RALYL: variants seen among roughly 807,000 people sequenced by gnomAD.
RALYL encodes the protein RNA-binding Raly-like protein.
In RALYL, 29 loss-of-function variants were observed where a neutral mutation model predicts 35.1. The ratio of observed to expected loss-of-function variants is 0.83; its 90% CI spans 0.61 to 1.13. The LOEUF is 1.13. RALYL is among the 50% of genes most tolerant of loss of function. RALYL has a pLI of 0.00. For synonymous variants in RALYL, 120 were observed against 127.6 expected (o/e 0.94, Z 0.40); for missense variants, 359 against 360.4 (o/e 1.00, Z 0.03).
chr8:84,762,113 A>C (rs183870606), intron 2 of RALYL, among the ~76,000 whole-genome samples: 1 of 152,142 alleles, frequency 6.6e-6, no homozygotes, highest in Admixed American at 6.5e-5. Flanking sequence ...AGAGGAATAA[A>C]GGGGCAGTAG....
intron 2 of RALYL, among the ~76,000 whole-genome samples, chr8:84,752,848 G>A (rs1810405434): frequency 1.3e-5 from 2 of 152,346 alleles, no homozygotes; most frequent in South Asian, 4.1e-4. Flanking sequence ...AAGCCTGGAT[G>A]TCCAGGCAGA....
At chr8:84,328,149 T>C (rs1339274935) in intron 1 of RALYL, among the ~76,000 whole-genome samples, 1 of 152,174 alleles carries the variant, frequency 6.6e-6, no homozygotes, top group Non-Finnish European at 1.5e-5. Context: ...CATTGTCATG[T>C]CAACACAATA....
chr8:84,810,449 G>A (rs992222124), intron 4 of RALYL, among the ~76,000 whole-genome samples: 1 of 152,096 alleles, frequency 6.6e-6, no homozygotes, highest in African/African-American at 2.4e-5. Context: ...TGAATAGAAT[G>A]TGTGTATTCT....
chr8:84,488,432 T>A (rs1428583012), intron 1 of RALYL, among the ~76,000 whole-genome samples: 2 of 152,064 alleles, frequency 1.3e-5, no homozygotes, highest in Non-Finnish European at 2.9e-5. Flanking sequence ...GTTCCCATTT[T>A]CAAAATGTCT....
chr8:84,245,730 T>C (rs1313147897), intron 1 of RALYL, among the ~76,000 whole-genome samples: 1 of 152,106 alleles, frequency 6.6e-6, no homozygotes, highest in Non-Finnish European at 1.5e-5. Flanking sequence ...CTCAGGGGTA[T>C]GCATGATAGC....
intron 2 of RALYL, among the ~76,000 whole-genome samples, chr8:84,691,455 A>G (rs1838033405): frequency 6.6e-6 from 1 of 152,110 alleles, no homozygotes; most frequent in Non-Finnish European, 1.5e-5. Context: ...GTTTATTTTC[A>G]TCATTAAGTA....
intron 4 of RALYL, among the ~76,000 whole-genome samples, chr8:84,822,106 C>T (rs1158935504): frequency 6.6e-6 from 1 of 152,174 alleles, no homozygotes; most frequent in African/African-American, 2.4e-5. Flanking sequence ...TGAGACATTT[C>T]TTCCAGATAC....
At position 84,448,451 on chromosome 8, in the gene RALYL, T is replaced by C. The variant is rs544934230; in HGVS notation, c.-23-80848T>C. On this transcript the variant is annotated intron_variant, in intron 1 of 8. Coordinates refer to ENST00000521268, the MANE Select transcript of RALYL (RefSeq NM_173848.7). ...TTAGTTTTTAAAAAGATACCTATTC[T>C]CTTGCCTCAATTGCATTTCTGCCCC... Among the ~76,000 whole-genome samples the C allele has an allele frequency of 9.9e-5, 15 of 152,174 alleles. No homozygotes were observed. The South Asian group carries it at 3.1e-3, about 31-fold the overall frequency.
At chr8:84,220,577 A>G (rs1407193378) in intron 1 of RALYL, among the ~76,000 whole-genome samples, 1 of 152,140 alleles carries the variant, frequency 6.6e-6, no homozygotes, top group African/African-American at 2.4e-5. Flanking sequence ...CAATTTCCAA[A>G]TGTCTTCCTG....
chr8:84,608,446 G>A (rs1443136943), intron 2 of RALYL, among the ~76,000 whole-genome samples: 3 of 152,080 alleles, frequency 2.0e-5, no homozygotes, highest in Non-Finnish European at 2.9e-5. Flanking sequence ...TGCGATTGCT[G>A]TTTTGTCAGC....
At chr8:84,387,765 T>C (rs1396690968) in intron 1 of RALYL, among the ~76,000 whole-genome samples, 1 of 151,584 alleles carries the variant, frequency 6.6e-6, no homozygotes, top group African/African-American at 2.4e-5. Context: ...GCAGTTCCCT[T>C]ACTTATTTGG....
At chr8:84,208,437 T>C (rs1046968611) in intron 1 of RALYL, among the ~76,000 whole-genome samples, 5 of 152,018 alleles carry the variant, frequency 3.3e-5, no homozygotes, top group African/African-American at 9.7e-5. Flanking sequence ...CTTCACTGTG[T>C]CTGGTAATTT....
chr8:84,533,140 A>G (rs1293982716), intron 2 of RALYL, among the ~76,000 whole-genome samples: 2 of 152,096 alleles, frequency 1.3e-5, no homozygotes, highest in East Asian at 1.9e-4. Flanking sequence ...ATATTTGGTT[A>G]TTTAATTGAT....
intron 4 of RALYL, among the ~76,000 whole-genome samples, chr8:84,821,856 C>G (rs116773799): frequency 0.017 from 2,588 of 152,174 alleles, 70 homozygotes; most frequent in African/African-American, 0.058. Context: ...TTTTGGCATG[C>G]TAACTAAGGT....
intron 1 of RALYL, among the ~76,000 whole-genome samples, chr8:84,330,084 A>T (rs1480408952): frequency 6.6e-6 from 1 of 152,102 alleles, no homozygotes; most frequent in African/African-American, 2.4e-5. Flanking sequence ...AAACGTGGAC[A>T]TTCAATCCAC....
At chr8:84,718,765 A>G (rs1029370375) in intron 2 of RALYL, among the ~76,000 whole-genome samples, 1 of 150,966 alleles carries the variant, frequency 6.6e-6, no homozygotes, top group Non-Finnish European at 1.5e-5. Context: ...ACTCTGTTTA[A>G]AAAAAAAAGA....
intron 2 of RALYL, among the ~76,000 whole-genome samples, chr8:84,550,011 G>C (rs1274115575): frequency 2.0e-5 from 3 of 152,088 alleles, no homozygotes; most frequent in African/African-American, 7.2e-5. Flanking sequence ...ATACACTTTA[G>C]CAACAGGAGA....
intron 1 of RALYL, among the ~76,000 whole-genome samples, chr8:84,408,182 A>G (rs2043745244): frequency 1.3e-5 from 2 of 152,176 alleles, no homozygotes; most frequent in Admixed American, 1.3e-4. Flanking sequence ...AAAGAAAATC[A>G]TAAATCTCAT....
intron 2 of RALYL, among the ~76,000 whole-genome samples, chr8:84,590,932 A>G (rs1318811302): frequency 1.3e-5 from 2 of 152,074 alleles, no homozygotes; most frequent in Non-Finnish European, 2.9e-5. Flanking sequence ...TATTAATTAT[A>G]GGCATAATTG....
Sources: allele counts gnomAD v4.1 joint callset (sites outside exome capture counted in the v4.1 genomes callset), GRCh38; gene constraint gnomAD v4.1.1; transcripts MANE v1.5; gene names NCBI Gene and HGNC (gene_info 2026-07-23, HGNC 2026-07-21).